Variants in KIF14 observed in about 807,000 individuals in gnomAD.
The protein encoded by KIF14 is kinesin family member 14.
In KIF14, 98 loss-of-function variants were observed where a neutral mutation model predicts 176.2. That is an observed-to-expected ratio of 0.56 (90% CI 0.47 to 0.66). The LOEUF (loss-of-function observed/expected upper bound fraction) is 0.66. Among genes scored for constraint, KIF14 ranks in the 30% least tolerant of loss-of-function variants. KIF14 has a pLI of 0.00. For missense variants in KIF14, 1,751 were observed against 1,920.4 expected, an observed-to-expected ratio of 0.91 and a Z score of 1.65; for synonymous variants, 566 against 632.2, an observed-to-expected ratio of 0.90 and a Z score of 1.57.
At chr1:200,587,916 T>C (rs1049404973) in intron 18 of KIF14, among the ~76,000 whole-genome samples, 1 of 152,218 alleles carries the variant, frequency 6.6e-6, no homozygotes, top group South Asian at 2.1e-4. Context: ...CTAGCCACTT[T>C]GTGTCCAGGA....
chr1:200,604,680 T>A (rs1659787930), intron 8 of KIF14, among the ~76,000 whole-genome samples: 1 of 152,062 alleles, frequency 6.6e-6, no homozygotes. Context: ...CTATTAAAAA[T>A]TATTTTATAA....
intron 7 of KIF14, 49 bp from the exon 8 acceptor site, chr1:200,605,439 T>A: frequency 7.5e-7 from 1 of 1,332,260 alleles, no homozygotes; most frequent in African/African-American, 1.5e-5. Context: ...TGTAACTCAA[T>A]GATATAAAAA....
At chr1:200,599,539 C>A (rs1050837708) in intron 13 of KIF14, among the ~76,000 whole-genome samples, 1 of 152,180 alleles carries the variant, frequency 6.6e-6, no homozygotes, top group African/African-American at 2.4e-5. Context: ...ATAGTACTCC[C>A]CCACTACCAA....
At chr1:200,602,440 T>C (rs961381932) in intron 10 of KIF14, among the ~76,000 whole-genome samples, 3 of 152,152 alleles carry the variant, frequency 2.0e-5, no homozygotes, top group African/African-American at 4.8e-5. Context: ...ATGATGAACA[T>C]TGAAACAAAA....
At chr1:200,600,856 C>G (rs1313408949) in intron 11 of KIF14, among the ~76,000 whole-genome samples, 2 of 152,034 alleles carry the variant, frequency 1.3e-5, no homozygotes, top group Admixed American at 6.6e-5. Context: ...GGCAGAACAG[C>G]CAAGATCAAA....
At chr1:200,588,244 T>TTTGTTTG (rs202230163) in intron 18 of KIF14, among the ~76,000 whole-genome samples, 2 of 115,638 alleles carry the variant, frequency 1.7e-5, no homozygotes, top group African/African-American at 8.2e-5. Flanking sequence ...TGTTTGTTTG[T>TTTGTTTG]TTTGTTTTTT....
rs371104490 is a variant in KIF14 at position 200,568,849 on chromosome 1, C to A, written c.3661+1062G>T. On this transcript the variant is annotated intron_variant, in intron 23 of 29. Coordinates refer to ENST00000367350, the MANE Select transcript of KIF14 (RefSeq NM_014875.3). ...TCAACATTATGTTTCTGGAATTCAT[C>A]CAGGTTATTGTGTGAATCAGTCATT... Among the ~76,000 whole-genome samples, 4 of 152,034 alleles carry A rather than the reference C, an allele frequency of 2.6e-5. No individual in the cohort carries two copies. In the East Asian group the frequency reaches 7.7e-4, roughly 29 times the overall value.
At chr1:200,598,590 G>T (rs112657886) in intron 13 of KIF14, among the ~76,000 whole-genome samples, 169 bp from the exon 14 acceptor site, 1 of 151,734 alleles carries the variant, frequency 6.6e-6, no homozygotes, top group Non-Finnish European at 1.5e-5. Flanking sequence ...ACAGAGTCTC[G>T]CTGTGTCACC....
At chr1:200,578,854 G>A (rs945122232) in intron 21 of KIF14, among the ~76,000 whole-genome samples, 4 of 151,694 alleles carry the variant, frequency 2.6e-5, no homozygotes, top group Non-Finnish European at 4.4e-5. Context: ...CACTTTGGGA[G>A]GCCAAGGCGG....
intron 21 of KIF14, among the ~76,000 whole-genome samples, chr1:200,579,451 A>T (rs556407264): frequency 9.9e-5 from 15 of 152,280 alleles, no homozygotes; most frequent in African/African-American, 3.6e-4. Context: ...TTTTAAAAAA[A>T]TACAAAAATT....
At chr1:200,620,051 C>A (rs573226619) in intron 1 of KIF14, among the ~76,000 whole-genome samples, 1 of 152,036 alleles carries the variant, frequency 6.6e-6, no homozygotes, top group Non-Finnish European at 1.5e-5. Context: ...TAGCGAGGAA[C>A]AAATTAATGG....
chr1:200,568,797 T>A (rs140440424), intron 23 of KIF14, among the ~76,000 whole-genome samples: 48 of 152,336 alleles, frequency 3.2e-4, no homozygotes, highest in African/African-American at 1.1e-3. Context: ...GTAGTATATA[T>A]ACTCTTTTGG....
Position 200,592,099 on chromosome 1 carries a change from G to C in KIF14, c.2794C>G (p.Leu932Val). Reference sequence around the variant, plus strand: ...ACTTACTGTGATCTCTGTGCCATGAGCAACTCATTTTTTGCAAATTCAAAG... The same window carrying C: ...ACTTACTGTGATCTCTGTGCCATGACCAACTCATTTTTTGCAAATTCAAAG... ...KDFEFAKNEL[L>V]MAQRSQLEAE... Residue 932 changes from leucine to valine, a missense_variant, in exon 16 of 30, where the codon CTC (leucine) becomes GTC (valine). By Grantham distance (32) the Leu-to-Val change is conservative. Transcript: ENST00000367350. 1 of 1,613,112 alleles carries C rather than the reference G, an allele frequency of 6.2e-7. No individual in the cohort carries two copies. Among genetic ancestry groups the C allele is most frequent in the Non-Finnish European group, 8.5e-7 (1 of 1,179,598 alleles).
At chr1:200,598,725 A>C (rs1195183818) in intron 13 of KIF14, among the ~76,000 whole-genome samples, 1 of 151,800 alleles carries the variant, frequency 6.6e-6, no homozygotes, top group Non-Finnish European at 1.5e-5. Flanking sequence ...CGCCCGGCTA[A>C]TTTTTGTATT....
chr1:200,618,486 G>C lies in KIF14; in HGVS notation c.238C>G (p.Leu80Val), dbSNP rs1660526200. 3.7e-6 allele frequency: 6 copies of C among 1,614,144 alleles called. No homozygotes were observed. The East Asian group carries it at 1.3e-4, about 36-fold the overall frequency. Residue 80 changes from leucine to valine, a missense_variant, in exon 2 of 30, where the codon CTT (leucine) becomes GTT (valine). By Grantham distance (32) the Leu-to-Val change is conservative (BLOSUM62 1). Transcript: ENST00000367350. ...SASRKTADMP[L>V]TPNPVGRLAL... ...AATCTACCTACAGGATTAGGGGTAA[G>C]GGGCATGTCTGCTGTTTTTCTACTG...
intron 7 of KIF14, 28 bp from the exon 8 acceptor site, chr1:200,605,418 G>T (rs905077743): frequency 1.3e-6 from 2 of 1,507,024 alleles, no homozygotes; most frequent in Admixed American, 1.7e-5. Context: ...AGGAAGATCA[G>T]ATCAGCAGAC....
intron 19 of KIF14, among the ~76,000 whole-genome samples, chr1:200,584,768 C>A (rs1220822961): frequency 6.6e-6 from 1 of 152,182 alleles, no homozygotes; most frequent in African/African-American, 2.4e-5. Flanking sequence ...TAGCTGAAAG[C>A]TTTTCCTTTA....
Position 200,589,444 on chromosome 1 carries a change from C to G in KIF14, c.2962-75G>C, listed in dbSNP as rs1392071771. 6.4e-6 allele frequency: 8 copies of G among 1,252,354 alleles called. No individual in the cohort carries two copies. The East Asian group carries it at 9.7e-5, about 15-fold the overall frequency. The allele number at this position is 1,252,354 out of a possible 1,614,324, so 77.6% of individuals were successfully genotyped here. Reference sequence around the variant, plus strand: ...AAGTACAAAAGTCCCTTTCTTTAACCAATGTACAAGAAATTACTCACTAAT... The same window carrying G: ...AAGTACAAAAGTCCCTTTCTTTAACGAATGTACAAGAAATTACTCACTAAT... On this transcript the variant is annotated intron_variant, in intron 17 of 29. Transcript: ENST00000367350.
chr1:200,618,365 G>A lies in KIF14; in HGVS notation c.359C>T (p.Thr120Ile), dbSNP rs1052135132. The A allele has an allele frequency of 1.9e-6, 3 of 1,613,924 alleles. No homozygotes were observed. Among genetic ancestry groups the A allele is most frequent in the Admixed American group, 1.7e-5 (1 of 59,990 alleles). Reference protein sequence around the residue: ...TTEKTAETRLTLQRRAKTDSA... With the variant: ...TTEKTAETRLILQRRAKTDSA... ...ATCTGTTTTAGCACGACGTTGTAAT[G>A]TAAGACGTGTTTCTGCTGTTTTTTC... Residue 120 changes from threonine (T) to isoleucine (I), a missense_variant, in exon 2 of 30, where the codon ACA becomes ATA. By Grantham distance (89) the Thr-to-Ile change is moderately conservative. Transcript: ENST00000367350.
Sources: gnomAD v4.1 joint callset for allele counts (sites outside exome capture counted in the v4.1 genomes callset) on GRCh38, gnomAD v4.1.1 for gene constraint, MANE v1.5 for transcripts, NCBI Gene and HGNC (gene_info 2026-07-23, HGNC 2026-07-21) for gene names.